Variants in EML6 observed in about 807,000 individuals in gnomAD.
EML6 encodes the protein echinoderm microtubule-associated protein-like 6.
A neutral mutation model predicts 240.1 loss-of-function variants in EML6; 154 were observed. The ratio of observed to expected loss-of-function variants is 0.64; its 90% CI spans 0.56 to 0.73. The LOEUF (loss-of-function observed/expected upper bound fraction) is 0.73. Among genes scored for constraint, EML6 ranks in the 30% least tolerant of loss-of-function variants. The pLI, the probability that EML6 is intolerant of heterozygous loss-of-function variation, is 0.00. For synonymous variants in EML6, 1,148 were observed against 899.0 expected, an observed-to-expected ratio of 1.28 and a Z score of -4.95; for missense variants, 2,964 against 2,474.6, an observed-to-expected ratio of 1.20 and a Z score of -4.20.
At chr2:54,811,461 A>G (rs1164914237) in intron 2 of EML6, among the ~76,000 whole-genome samples, 1 of 152,084 alleles carries the variant, frequency 6.6e-6, no homozygotes, top group Non-Finnish European at 1.5e-5. Flanking sequence ...TGGTCACTCC[A>G]TCCTCCATCT....
chr2:54,928,693 A>G lies in EML6; in HGVS notation c.3946A>G (p.Arg1316Gly). 1 of 1,551,828 alleles carries G rather than the reference A, an allele frequency of 6.4e-7. No homozygotes were observed. The highest frequency in any genetic ancestry group is 8.7e-7 in the Non-Finnish European group (1 of 1,147,022). The change falls in exon 28 of 42, where the codon AGG becomes GGG. Residue 1316 changes from arginine to glycine, a missense_variant. Physicochemically the swap from Arg to Gly is moderately radical, Grantham distance 125 (BLOSUM62 -2). Transcript: ENST00000356458. ...YTTKIYAVSI[R>G]EMEGTKPHQQ... Reference sequence around the variant, plus strand: ...CACCAAGATTTATGCTGTGAGCATCAGGGAAATGGAAGGCACCAAGCCACA... The same window carrying G: ...CACCAAGATTTATGCTGTGAGCATCGGGGAAATGGAAGGCACCAAGCCACA...
At chr2:54,758,213 A>T (rs1352152186) in intron 2 of EML6, among the ~76,000 whole-genome samples, 1 of 151,976 alleles carries the variant, frequency 6.6e-6, no homozygotes, top group Non-Finnish European at 1.5e-5. Flanking sequence ...TCAAGTCCTG[A>T]AGGGAGAGGG....
chr2:54,777,000 GT>G, intron 2 of EML6, among the ~76,000 whole-genome samples: 1 of 152,088 alleles, frequency 6.6e-6, no homozygotes, highest in Non-Finnish European at 1.5e-5. Flanking sequence ...CTACTTTGTT[GT>G]TATTTTATTC....
chr2:54,803,309 T>C (rs1670280186), intron 2 of EML6, among the ~76,000 whole-genome samples: 1 of 152,182 alleles, frequency 6.6e-6, no homozygotes, highest in South Asian at 2.1e-4. Context: ...TAGTCAAACT[T>C]GGCTTCCTTA....
intron 8 of EML6, among the ~76,000 whole-genome samples, chr2:54,845,129 C>T (rs1032654727): frequency 1.3e-5 from 2 of 152,148 alleles, no homozygotes; most frequent in South Asian, 2.1e-4. Context: ...GTTTATGAGT[C>T]GCATCAAAAT....
rs1426153527 is a variant in EML6 at position 54,724,559 on chromosome 2, T to C, written c.-503T>C. On this transcript the variant is annotated 5_prime_UTR_variant, in exon 2 of 42. Transcript: ENST00000356458. This position sits in a 1 kb window ranked among gnomAD's most constrained non-coding sequence, Gnocchi z 5.2. ...GCTTCCTGGATATAGACTGTCAATT[T>C]CGGATCCAAAGACGGCGATGGCAGA... The C allele has an allele frequency of 6.6e-6, 1 of 152,104 alleles. No individual in the cohort carries two copies. The highest frequency in any genetic ancestry group is 2.4e-5 in the African/African-American group (1 of 41,420). The allele number at this position is 152,104 out of a possible 1,614,324, so 9.4% of individuals were successfully genotyped here. A position where few individuals can be genotyped will look rare whatever the true frequency, so the allele number is the denominator to read the frequency against.
intron 28 of EML6, among the ~76,000 whole-genome samples, chr2:54,930,462 A>C (rs1173664711): frequency 6.6e-6 from 1 of 152,150 alleles, no homozygotes; most frequent in Non-Finnish European, 1.5e-5. Context: ...CCATTTTATT[A>C]TCAAGCTATA....
At chr2:54,835,279 C>G (rs1242913546) in intron 7 of EML6, among the ~76,000 whole-genome samples, 1 of 152,198 alleles carries the variant, frequency 6.6e-6, no homozygotes, top group Non-Finnish European at 1.5e-5. Flanking sequence ...TCTGTTTCCA[C>G]AAAGGTAGGG....
chr2:54,791,685 C>G lies in EML6; in HGVS notation c.198-21547C>G, dbSNP rs566568333. On this transcript the variant is annotated intron_variant, in intron 2 of 41. Transcript: ENST00000356458. The stretch of plus-strand genomic sequence containing the variant: ...TAAACACTATAACTGTGATGTTAGC[C>G]TGCAGGCTAGAGCCAAGAGAACTGA... Among the ~76,000 whole-genome samples, 13 of 152,284 alleles carry G rather than the reference C, an allele frequency of 8.5e-5. No homozygotes were observed. The South Asian group carries it at 2.7e-3, about 32-fold the overall frequency.
chr2:54,904,047 C>A (rs1334335241), intron 24 of EML6, among the ~76,000 whole-genome samples: 1 of 152,210 alleles, frequency 6.6e-6, no homozygotes, highest in African/African-American at 2.4e-5. Context: ...TATTTAATAA[C>A]TCTAGCTTTT....
At chr2:54,927,263 G>A (rs183697270) in intron 26 of EML6, among the ~76,000 whole-genome samples, 99 of 152,290 alleles carry the variant, frequency 6.5e-4, no homozygotes, top group African/African-American at 2.2e-3. Context: ...AATACAGGGC[G>A]ATCTTGACTA....
chr2:54,958,075 G>C, intron 33 of EML6, 77 bp downstream of exon 33: 1 of 1,314,934 alleles, frequency 7.6e-7, no homozygotes, highest in East Asian at 2.5e-5. Context: ...CAGGAGGGGA[G>C]TTTGGCCAAG....
intron 2 of EML6, among the ~76,000 whole-genome samples, chr2:54,799,368 C>G (rs996808929): frequency 6.6e-6 from 1 of 151,378 alleles, no homozygotes; most frequent in African/African-American, 2.4e-5. Flanking sequence ...GCCTTTATTA[C>G]TATTTTTTTT....
chr2:54,726,466 A>C (rs1462782983), intron 2 of EML6, among the ~76,000 whole-genome samples: 1 of 152,102 alleles, frequency 6.6e-6, no homozygotes, highest in African/African-American at 2.4e-5. Context: ...CTGAGACCTA[A>C]AGTTGAAAAA....
intron 2 of EML6, among the ~76,000 whole-genome samples, chr2:54,770,428 G>A (rs977472119): frequency 1.3e-5 from 2 of 152,174 alleles, no homozygotes; most frequent in Admixed American, 1.3e-4. Flanking sequence ...GAACTCTACT[G>A]CATTTGGTCA....
chr2:54,903,002 G>A, intron 22 of EML6, 42 bp from the exon 23 acceptor site: 2 of 1,536,162 alleles, frequency 1.3e-6, no homozygotes, highest in Non-Finnish European at 8.8e-7. Context: ...GCTTGACAGT[G>A]AAGTTTTGGA....
intron 2 of EML6, among the ~76,000 whole-genome samples, chr2:54,803,369 A>G (rs1558562762): frequency 1.3e-5 from 2 of 152,174 alleles, no homozygotes. Flanking sequence ...AGAGGAGTCA[A>G]TGCAATTGAG....
chr2:54,883,757 G>C (rs1001716134), intron 17 of EML6, among the ~76,000 whole-genome samples: 1 of 152,130 alleles, frequency 6.6e-6, no homozygotes, highest in Non-Finnish European at 1.5e-5. Flanking sequence ...TACACTTGCA[G>C]GCAACTTCCC....
chr2:54,752,382 C>G (rs1684215978), intron 2 of EML6, among the ~76,000 whole-genome samples: 1 of 151,704 alleles, frequency 6.6e-6, no homozygotes, highest in Admixed American at 6.6e-5. Flanking sequence ...GTTAATATAC[C>G]CATATAACTA....
Sources: allele counts gnomAD v4.1 joint callset (sites outside exome capture counted in the v4.1 genomes callset), GRCh38; gene constraint gnomAD v4.1.1; non-coding constraint Gnocchi (gnomAD v3.1); transcripts MANE v1.5; gene names NCBI Gene and HGNC (gene_info 2026-07-23, HGNC 2026-07-21).